PDE3B: variants seen among roughly 807,000 people sequenced by gnomAD.
PDE3B encodes cGMP-inhibited 3',5'-cyclic phosphodiesterase 3B.
Under a neutral mutation model 116.8 loss-of-function variants are expected in PDE3B, and 66 were observed. That is an observed-to-expected ratio of 0.56 (90% CI 0.46 to 0.69). The LOEUF (loss-of-function observed/expected upper bound fraction) is 0.69, where lower values mean the gene tolerates loss of function less well. PDE3B is among the 30% of genes least tolerant of loss of function. The pLI is 0.00. For missense variants in PDE3B, 1,384 were observed against 1,368.1 expected (o/e 1.01, Z -0.18); for synonymous variants, 595 against 533.6 (o/e 1.12, Z -1.59).
At chr11:14,677,090 T>A (rs1417165940) in intron 1 of PDE3B, among the ~76,000 whole-genome samples, 1 of 152,166 alleles carries the variant, frequency 6.6e-6, no homozygotes, top group African/African-American at 2.4e-5. Flanking sequence ...ATTGGTAGTA[T>A]ATTTGTTGGC....
chr11:14,671,357 C>G (rs1854361029), intron 1 of PDE3B, among the ~76,000 whole-genome samples: 1 of 152,030 alleles, frequency 6.6e-6, no homozygotes, highest in African/African-American at 2.4e-5. Flanking sequence ...CTGAGGGAAG[C>G]ACACTCTAGG....
At chr11:14,841,499 G>A (rs1195023404) in intron 11 of PDE3B, among the ~76,000 whole-genome samples, 3 of 149,684 alleles carry the variant, frequency 2.0e-5, no homozygotes, top group South Asian at 2.1e-4. Context: ...ATCTTATAGC[G>A]ATCAGTCTCT....
chr11:14,717,580 A>G (rs1263461595), intron 1 of PDE3B, among the ~76,000 whole-genome samples: 1 of 81,626 alleles, frequency 1.2e-5, no homozygotes, highest in African/African-American at 5.1e-5. Flanking sequence ...TCTCGGTAGA[A>G]ACCCTACAAG....
intron 2 of PDE3B, among the ~76,000 whole-genome samples, chr11:14,778,445 CG>C (rs1468336719): frequency 6.6e-6 from 1 of 152,090 alleles, no homozygotes; most frequent in Non-Finnish European, 1.5e-5. Flanking sequence ...CTCATACGGC[CG>C]GGCGCCCCTC....
At chr11:14,740,548 A>T (rs1339681951) in intron 1 of PDE3B, among the ~76,000 whole-genome samples, 2 of 152,152 alleles carry the variant, frequency 1.3e-5, no homozygotes, top group Non-Finnish European at 2.9e-5. Flanking sequence ...TTTTCAAAAA[A>T]CCAGCTCCTG....
At position 14,870,023 on chromosome 11, in the gene PDE3B, G is replaced by C. The variant is rs1476998664; in HGVS notation, c.*363G>C. On this transcript the variant is annotated 3_prime_UTR_variant, in exon 16 of 16. Transcript: ENST00000282096. The surrounding 1 kb of genome is among the most constrained non-coding windows in gnomAD (Gnocchi z 4.1). ...CTAAAAACTCAAGTGACATATTTCA[G>C]TTACCAAAGTGGCCAGGAACTTTTT... The C allele has an allele frequency of 6.2e-6, 1 of 161,696 alleles. No homozygotes were observed. Among genetic ancestry groups the C allele is most frequent in the Non-Finnish European group, 1.3e-5 (1 of 74,622 alleles). 10.0% of individuals were successfully genotyped at this position (161,696 alleles called of 1,614,324 possible). A position where few individuals can be genotyped will look rare whatever the true frequency, so the allele number is the denominator to read the frequency against.
chr11:14,703,283 A>C (rs1475796360), intron 1 of PDE3B, among the ~76,000 whole-genome samples: 2 of 151,834 alleles, frequency 1.3e-5, no homozygotes, highest in Admixed American at 1.3e-4. Context: ...CCTGATCTGC[A>C]AATTACTACC....
In PDE3B at chr11:14,664,673, G is replaced by T. The variant is rs551069193; in HGVS notation, c.978+19620G>T. Among the ~76,000 whole-genome samples the T allele has an allele frequency of 9.9e-5, 15 of 152,160 alleles. No homozygotes were observed. The South Asian group carries it at 1.0e-3, about 11-fold the overall frequency. ...AATAAACTAGAAAATCTAGAAGAAA[G>T]GGATAAATTCCTCGACACATACACC... On this transcript the variant is annotated intron_variant, in intron 1 of 15. Coordinates refer to ENST00000282096, the MANE Select transcript of PDE3B (RefSeq NM_000922.4).
chr11:14,715,711 T>A (rs1855858096), intron 1 of PDE3B, among the ~76,000 whole-genome samples: 2 of 152,218 alleles, frequency 1.3e-5, no homozygotes, highest in South Asian at 2.1e-4. Flanking sequence ...AAACAGAGAC[T>A]ATTTGACTTC....
chr11:14,714,196 G>A (rs900851424), intron 1 of PDE3B, among the ~76,000 whole-genome samples: 4 of 151,954 alleles, frequency 2.6e-5, no homozygotes, highest in African/African-American at 9.7e-5. Flanking sequence ...CAGGGGAGGG[G>A]AGGGTTATAG....
At chr11:14,700,971 G>T (rs951475797) in intron 1 of PDE3B, 1 of 151,550 alleles carries the variant, frequency 6.6e-6, no homozygotes, top group African/African-American at 2.4e-5. Flanking sequence ...ACCTTGCTAG[G>T]ATTATTGATT....
intron 1 of PDE3B, among the ~76,000 whole-genome samples, chr11:14,752,206 A>G (rs1410194622): frequency 6.6e-6 from 1 of 152,214 alleles, no homozygotes; most frequent in Non-Finnish European, 1.5e-5. Context: ...TCCTGTGACT[A>G]TAATTCATTC....
chr11:14,822,976 A>G (rs764436443), intron 7 of PDE3B, among the ~76,000 whole-genome samples: 3 of 151,876 alleles, frequency 2.0e-5, no homozygotes, highest in Admixed American at 6.6e-5. Flanking sequence ...CCACCCTACA[A>G]AAATGCAGCC....
chr11:14,882,314 A>G, the PDE3B span, among the ~76,000 whole-genome samples: 1 of 152,132 alleles, frequency 6.6e-6, no homozygotes, highest in Non-Finnish European at 1.5e-5. Context: ...GTAGTCAGCA[A>G]AATGCTCACT....
intron 8 of PDE3B, 28 bp from the exon 9 acceptor site, chr11:14,831,612 T>C: frequency 7.0e-7 from 1 of 1,424,278 alleles, no homozygotes; most frequent in South Asian, 1.5e-5. Context: ...AAAGATAAAA[T>C]AAAGTTGTTG....
At chr11:14,740,825 A>C (rs1856746637) in intron 1 of PDE3B, among the ~76,000 whole-genome samples, 1 of 152,150 alleles carries the variant, frequency 6.6e-6, no homozygotes, top group African/African-American at 2.4e-5. Context: ...GGTTTCAAAG[A>C]ATTTATTCAT....
intron 5 of PDE3B, among the ~76,000 whole-genome samples, chr11:14,815,106 C>T (rs956504689): frequency 2.6e-5 from 4 of 151,662 alleles, no homozygotes; most frequent in East Asian, 3.9e-4. Flanking sequence ...CACTGTACTC[C>T]GGCCTGGGCG....
intron 5 of PDE3B, among the ~76,000 whole-genome samples, chr11:14,816,031 C>A (rs1274438797): frequency 1.3e-5 from 2 of 151,776 alleles, no homozygotes; most frequent in Admixed American, 1.3e-4. Context: ...TGTGGGCTTG[C>A]AAGGCAAGCA....
intron 2 of PDE3B, chr11:14,773,112 T>G (rs976477409): frequency 2.6e-5 from 4 of 152,006 alleles, no homozygotes; most frequent in African/African-American, 9.7e-5. Context: ...TTTAGCAGAT[T>G]AAGGAAGTTT....
Sources: allele counts gnomAD v4.1 joint callset (sites outside exome capture counted in the v4.1 genomes callset), GRCh38; gene constraint gnomAD v4.1.1; non-coding constraint Gnocchi (gnomAD v3.1); transcripts MANE v1.5; gene names NCBI Gene and HGNC (gene_info 2026-07-23, HGNC 2026-07-21).